PTK2: variants seen among roughly 807,000 people sequenced by gnomAD.
PTK2 encodes the protein focal adhesion kinase 1.
In PTK2, 45 loss-of-function variants were observed where a neutral mutation model predicts 150.1. That is an observed-to-expected ratio of 0.30 (90% CI 0.24 to 0.38). The LOEUF (loss-of-function observed/expected upper bound fraction) is 0.38, where lower values mean the gene tolerates loss of function less well. Ranked by LOEUF, PTK2 falls within the 10% of genes least tolerant of loss-of-function variation. PTK2 has a pLI of 1.00. For synonymous variants in PTK2, 432 were observed against 449.2 expected, an observed-to-expected ratio of 0.96 and a Z score of 0.48; for missense variants, 919 against 1,307.3, an observed-to-expected ratio of 0.70 and a Z score of 4.58.
chr8:140,708,610 A>G (rs2100035100), intron 23 of PTK2, among the ~76,000 whole-genome samples: 1 of 152,048 alleles, frequency 6.6e-6, no homozygotes, highest in Non-Finnish European at 1.5e-5. Context: ...GAAAGAGTCT[A>G]CTCTAAACTT....
intron 5 of PTK2, among the ~76,000 whole-genome samples, chr8:140,851,418 C>T (rs965377879): frequency 6.6e-6 from 1 of 152,136 alleles, no homozygotes; most frequent in Non-Finnish European, 1.5e-5. Context: ...GGAACTTACA[C>T]AAAGGTAATG....
chr8:140,661,755 G>C (rs1385810547), intron 31 of PTK2, among the ~76,000 whole-genome samples: 1 of 152,188 alleles, frequency 6.6e-6, no homozygotes, highest in Non-Finnish European at 1.5e-5. Flanking sequence ...GTCTCAAGGG[G>C]GAGTTAGGAC....
In PTK2 at chr8:140,825,310, C is replaced by T. The variant is rs114023476; in HGVS notation, c.648+5162G>A. Among the ~76,000 whole-genome samples, 684 of 152,290 alleles carry T rather than the reference C, an allele frequency of 4.5e-3. 4 individuals carry two copies. The highest frequency in any genetic ancestry group is 0.016 in the African/African-American group (647 of 41,558). On this transcript the variant is annotated intron_variant, in intron 8 of 31. Coordinates refer to ENST00000522684, the Ensembl canonical transcript of PTK2. ...CAGATAACAGGAATTCACTGCTGAA[C>T]ATCGTACCAAGATATGCATTTCTGT...
chr8:141,000,477 C>T (rs1310315372), intron 1 of PTK2, among the ~76,000 whole-genome samples: 1 of 152,204 alleles, frequency 6.6e-6, no homozygotes, highest in African/African-American at 2.4e-5. Context: ...CGGGCGAACC[C>T]TGCCGACGTC....
chr8:140,863,412 T>C (rs2100137402), intron 5 of PTK2, among the ~76,000 whole-genome samples: 1 of 152,058 alleles, frequency 6.6e-6, no homozygotes, highest in African/African-American at 2.4e-5. Context: ...CTAACTAACG[T>C]TTTTAAATGG....
At chr8:140,929,470 C>T (rs2100170935) in intron 1 of PTK2, among the ~76,000 whole-genome samples, 1 of 152,122 alleles carries the variant, frequency 6.6e-6, no homozygotes, top group Admixed American at 6.6e-5. Flanking sequence ...TGTTCCAGCC[C>T]TGTACAAGGT....
chr8:140,916,801 T>A (rs2100165443), intron 2 of PTK2, among the ~76,000 whole-genome samples: 1 of 152,206 alleles, frequency 6.6e-6, no homozygotes, highest in African/African-American at 2.4e-5. Context: ...GCACTGCAGT[T>A]AGATTCCCAC....
intron 12 of PTK2, among the ~76,000 whole-genome samples, chr8:140,798,359 C>T (rs1464696368): frequency 1.3e-5 from 2 of 152,036 alleles, no homozygotes; most frequent in Non-Finnish European, 2.9e-5. Flanking sequence ...TTATATAATA[C>T]ATAAACATGC....
intron 4 of PTK2, among the ~76,000 whole-genome samples, chr8:140,878,339 C>T (rs1485139511): frequency 6.6e-6 from 1 of 152,160 alleles, no homozygotes; most frequent in Non-Finnish European, 1.5e-5. Flanking sequence ...GTGGCTCACA[C>T]CTGTAATCCC....
chr8:140,746,806 G>A (rs745417588), exon 18 of PTK2: 7 of 1,613,330 alleles, frequency 4.3e-6, no homozygotes, highest in Admixed American at 3.3e-5. Flanking sequence ...AGGATTCTCT[G>A]TGATGACTCC....
intron 15 of PTK2, among the ~76,000 whole-genome samples, chr8:140,762,931 C>T (rs764889941): frequency 3.3e-5 from 5 of 152,154 alleles, no homozygotes; most frequent in Non-Finnish European, 7.4e-5. Context: ...CAGGTGCATG[C>T]TACCACGCCT....
intron 23 of PTK2, among the ~76,000 whole-genome samples, chr8:140,708,006 G>A (rs899499105): frequency 6.6e-6 from 1 of 152,138 alleles, no homozygotes; most frequent in Non-Finnish European, 1.5e-5. Flanking sequence ...TTCTCATTTT[G>A]TTTGTGGGAT....
chr8:140,863,645 G>A (rs1028692791), intron 5 of PTK2, among the ~76,000 whole-genome samples: 1 of 151,964 alleles, frequency 6.6e-6, no homozygotes, highest in Non-Finnish European at 1.5e-5. Context: ...ATCTATACTG[G>A]GTCAGCAGAC....
intron 12 of PTK2, among the ~76,000 whole-genome samples, chr8:140,795,797 C>T (rs894386319): frequency 1.1e-4 from 17 of 152,188 alleles, no homozygotes; most frequent in Non-Finnish European, 2.1e-4. Flanking sequence ...CAGTATTACT[C>T]GTCACTATTC....
intron 27 of PTK2, among the ~76,000 whole-genome samples, chr8:140,680,556 T>C (rs1334144302): frequency 6.6e-6 from 1 of 152,226 alleles, no homozygotes; most frequent in Non-Finnish European, 1.5e-5. Context: ...TTTACATTTT[T>C]TTCTGAGTAC....
chr8:140,947,964 C>A (rs2100178253), intron 1 of PTK2, among the ~76,000 whole-genome samples: 4 of 152,170 alleles, frequency 2.6e-5, no homozygotes, highest in Admixed American at 2.6e-4. Context: ...TAGGTGTTAA[C>A]AACCTTACAG....
In PTK2 at chr8:140,715,171, T is replaced by G. The variant is rs1014892264; in HGVS notation, c.2142+2427A>C. ...ATTAAAACCGTTTTTTTTTTTTTTT[T>G]TTTTTTTTTTTTTTTTTTTTTGAGA... is the stretch of plus-strand genomic sequence containing the variant. On this transcript the variant is annotated intron_variant, in intron 23 of 31. Coordinates refer to ENST00000522684, the Ensembl canonical transcript of PTK2. 3.7e-3 allele frequency among the ~76,000 whole-genome samples: 468 copies of G among 125,610 alleles called. 18 individuals carry two copies. Among genetic ancestry groups the G allele is most frequent in the African/African-American group, 0.013 (421 of 32,034 alleles). The allele number at this position is 125,610 out of a possible 152,430, so 82.4% of individuals were successfully genotyped here. A position where few individuals can be genotyped will look rare whatever the true frequency, so the allele number is the denominator to read the frequency against.
At chr8:140,746,618 C>A in intron 18 of PTK2, 142 bp downstream of exon 21, 1 of 589,504 alleles carries the variant, frequency 1.7e-6, no homozygotes, top group African/African-American at 1.9e-5. Context: ...TACCCATATT[C>A]TCTGAACCAA....
intron 12 of PTK2, among the ~76,000 whole-genome samples, chr8:140,800,165 A>C (rs937323874): frequency 3.9e-5 from 6 of 152,210 alleles, no homozygotes; most frequent in African/African-American, 9.6e-5. Flanking sequence ...AATTTTAAAA[A>C]TACTAATGTA....
Sources: allele counts gnomAD v4.1 joint callset (sites outside exome capture counted in the v4.1 genomes callset), GRCh38; gene constraint gnomAD v4.1.1; transcripts MANE v1.5; gene names NCBI Gene and HGNC (gene_info 2026-07-23, HGNC 2026-07-21).